Variants in CUL1 observed in about 807,000 individuals in gnomAD.
CUL1 encodes the protein cullin-1.
A neutral mutation model predicts 118.0 loss-of-function variants in CUL1; 24 were observed. The ratio of observed to expected loss-of-function variants is 0.20; its 90% CI spans 0.15 to 0.29. The LOEUF is 0.29. Ranked by LOEUF, CUL1 falls within the 10% of genes least tolerant of loss-of-function variation. CUL1 has a pLI of 1.00. For missense variants in CUL1, 361 were observed against 933.8 expected (o/e 0.39, Z 7.99); for synonymous variants, 332 against 340.4 (o/e 0.98, Z 0.27).
chr7:148,788,549 C>G lies in CUL1; in HGVS notation c.1480-8C>G. The stretch of plus-strand genomic sequence containing the variant: ...AATTAATAAGACAGTCATCTGGGTT[C>G]TTCTCAGCAAGCTTGCGGGTTCGAG... On this transcript the variant is annotated splice_region_variant and splice_polypyrimidine_tract_variant and intron_variant, in intron 13 of 21. Coordinates refer to ENST00000325222, the MANE Select transcript of CUL1 (RefSeq NM_003592.3). The G allele has an allele frequency of 6.3e-7, 1 of 1,593,214 alleles. No individual in the cohort carries two copies. The highest frequency in any genetic ancestry group is 8.6e-7 in the Non-Finnish European group (1 of 1,163,174).
chr7:148,749,789 G>A (rs990002752), intron 2 of CUL1, among the ~76,000 whole-genome samples: 4 of 152,188 alleles, frequency 2.6e-5, no homozygotes, highest in African/African-American at 7.2e-5. Context: ...AGCCAAATGA[G>A]GAAGGCATGT....
At chr7:148,738,635 A>G (rs1386491761) in intron 2 of CUL1, among the ~76,000 whole-genome samples, 2 of 152,170 alleles carry the variant, frequency 1.3e-5, no homozygotes, top group East Asian at 1.9e-4. Context: ...AGTCAAATGT[A>G]TGGGTTTGTT....
intron 1 of CUL1, among the ~76,000 whole-genome samples, chr7:148,715,777 A>G (rs1373082466): frequency 6.6e-6 from 1 of 152,166 alleles, no homozygotes; most frequent in Non-Finnish European, 1.5e-5. Context: ...AAAAAAACAC[A>G]TTCAACTTAT....
intron 9 of CUL1, among the ~76,000 whole-genome samples, chr7:148,769,698 A>G (rs1800145937): frequency 6.6e-6 from 1 of 152,150 alleles, no homozygotes; most frequent in South Asian, 2.1e-4. Context: ...GATTGGCCTT[A>G]GGGAACTCGT....
rs546386997 is a variant in CUL1, at chr7:148,800,884, G to A, written c.*302G>A. On this transcript the variant is annotated 3_prime_UTR_variant, in exon 22 of 22. Coordinates refer to ENST00000325222, the MANE Select transcript of CUL1 (RefSeq NM_003592.3). The surrounding 1 kb of genome is among the most constrained non-coding windows in gnomAD (Gnocchi z 4.6). ...AGTCAATACATGGGCTCCCCGATTC[G>A]CAGCTGTCGTCTTGGCAGCACTTGT... 4.9e-5 allele frequency: 12 copies of A among 243,728 alleles called. No homozygotes were observed. The highest frequency in any genetic ancestry group is 2.2e-4 in the African/African-American group (10 of 44,462). 15.1% of individuals were successfully genotyped at this position (243,728 alleles called of 1,614,324 possible).
chr7:148,703,418 A>AT (rs1181936813), intron 1 of CUL1, among the ~76,000 whole-genome samples: 3 of 152,184 alleles, frequency 2.0e-5, no homozygotes, highest in Non-Finnish European at 4.4e-5. Flanking sequence ...ACAAGCTGCA[A>AT]TTTTTTTAAA....
At chr7:148,698,482 T>A (rs1797591826), upstream of CUL1, 1 of 151,826 alleles carries the variant, frequency 6.6e-6, no homozygotes, top group Non-Finnish European at 1.5e-5. Flanking sequence ...TGGCAGAGAA[T>A]CCGGCGCGCC....
chr7:148,730,751 A>G (rs557783025), intron 2 of CUL1, among the ~76,000 whole-genome samples: 2 of 152,212 alleles, frequency 1.3e-5, no homozygotes, highest in Non-Finnish European at 2.9e-5. Context: ...TTTTACAGGA[A>G]AAGTTTGTTT....
intron 7 of CUL1, among the ~76,000 whole-genome samples, chr7:148,763,760 C>G (rs368539862): frequency 6.6e-6 from 1 of 152,248 alleles, no homozygotes; most frequent in East Asian, 1.9e-4. Context: ...TAAAGGGTGG[C>G]AAATCTTACT....
intron 1 of CUL1, among the ~76,000 whole-genome samples, chr7:148,700,475 C>A (rs1797688660): frequency 6.6e-6 from 1 of 152,024 alleles, no homozygotes; most frequent in South Asian, 2.1e-4. Flanking sequence ...AATGTAAAAC[C>A]AGTCATTCTG....
At position 148,730,133 on chromosome 7, in the gene CUL1, C is replaced by A. The variant is rs1345891356; in HGVS notation, c.11C>A (p.Thr4Asn). 6.2e-7 allele frequency: 1 copy of A among 1,613,478 alleles called. No individual in the cohort carries two copies. Among genetic ancestry groups the A allele is most frequent in the Non-Finnish European group, 8.5e-7 (1 of 1,179,854 alleles). ...AGAACATCCCTCACAATGTCGTCAACCCGGAGCCAGAACCCCCACGGCCTG... is the reference window on the plus strand; with the variant it reads ...AGAACATCCCTCACAATGTCGTCAAACCGGAGCCAGAACCCCCACGGCCTG... Reference protein sequence around the residue: MSSTRSQNPHGLKQ... With the variant: MSSNRSQNPHGLKQ... The change falls in exon 2 of 22, where the codon ACC (threonine) becomes AAC (asparagine). Residue 4 changes from threonine (T) to asparagine (N), a missense_variant. By Grantham distance (65) the Thr-to-Asn change is moderately conservative. Around this residue, in one of 7 missense-constraint regions of CUL1, gnomAD observed 22 missense variants for 20.6 expected, o/e 1.07. Transcript: ENST00000325222.
chr7:148,744,264 A>T (rs1278905868), intron 2 of CUL1, among the ~76,000 whole-genome samples: 1 of 152,164 alleles, frequency 6.6e-6, no homozygotes, highest in African/African-American at 2.4e-5. Flanking sequence ...TTATTAATAG[A>T]TTAATTTTAG....
At chr7:148,793,087 G>A (rs960115852) in intron 17 of CUL1, among the ~76,000 whole-genome samples, 1 of 152,208 alleles carries the variant, frequency 6.6e-6, no homozygotes, top group Non-Finnish European at 1.5e-5. Context: ...TTGAGCCTGG[G>A]AGGTCGAGGC....
chr7:148,752,931 C>T (rs1799538240), intron 2 of CUL1, among the ~76,000 whole-genome samples: 1 of 152,238 alleles, frequency 6.6e-6, no homozygotes, highest in Non-Finnish European at 1.5e-5. Flanking sequence ...GGATTACAGG[C>T]GCGAGCCACC....
At chr7:148,709,809 C>T (rs1265510597) in intron 1 of CUL1, among the ~76,000 whole-genome samples, 1 of 152,110 alleles carries the variant, frequency 6.6e-6, no homozygotes, top group Non-Finnish European at 1.5e-5. Flanking sequence ...TTTTGCCAGG[C>T]GTGGTGGCTC....
chr7:148,775,645 T>C (rs1352888897), intron 9 of CUL1, among the ~76,000 whole-genome samples: 1 of 152,224 alleles, frequency 6.6e-6, no homozygotes, highest in African/African-American at 2.4e-5. Context: ...AGCTGATATA[T>C]GCTGATAATA....
intron 1 of CUL1, 93 bp from the exon 2 acceptor site, chr7:148,729,869 T>C (rs2129459597): frequency 2.5e-6 from 1 of 393,428 alleles, no homozygotes; most frequent in African/African-American, 2.1e-5. Flanking sequence ...GTCTCTAGAG[T>C]GGGCCCTGCA....
At chr7:148,783,069 G>C (rs1800696006) in intron 9 of CUL1, among the ~76,000 whole-genome samples, 1 of 152,194 alleles carries the variant, frequency 6.6e-6, no homozygotes, top group South Asian at 2.1e-4. Flanking sequence ...GGCGGCGTGC[G>C]CTGCATGCCT....
intron 9 of CUL1, among the ~76,000 whole-genome samples, chr7:148,772,808 C>A (rs1318317179): frequency 6.6e-6 from 1 of 152,020 alleles, no homozygotes; most frequent in Non-Finnish European, 1.5e-5. Context: ...CATTAGTAAT[C>A]TAATAGGGTA....
Sources: gnomAD v4.1 joint callset for allele counts (sites outside exome capture counted in the v4.1 genomes callset) on GRCh38, gnomAD v4.1.1 for gene constraint, gnomAD v4.1.1 regional missense constraint, Gnocchi (gnomAD v3.1) non-coding constraint, MANE v1.5 for transcripts, NCBI Gene and HGNC (gene_info 2026-07-23, HGNC 2026-07-21) for gene names.